Variants in SCYL2 observed in about 807,000 individuals in gnomAD.
SCYL2 encodes the protein SCY1 like pseudokinase 2, also known as SCY1-like protein 2.
Under a neutral mutation model 100.4 loss-of-function variants are expected in SCYL2, and 36 were observed. That is an observed-to-expected ratio of 0.36 (90% CI 0.27 to 0.47). The LOEUF (loss-of-function observed/expected upper bound fraction) is 0.47. Among genes scored for constraint, SCYL2 ranks in the 20% least tolerant of loss-of-function variants. SCYL2 has a pLI of 1.00. For synonymous variants in SCYL2, 330 were observed against 359.2 expected (o/e 0.92, Z 0.92); for missense variants, 902 against 1,083.9 (o/e 0.83, Z 2.36).
At chr12:100,286,080 A>G (rs539017972) in intron 2 of SCYL2, among the ~76,000 whole-genome samples, 4 of 152,302 alleles carry the variant, frequency 2.6e-5, no homozygotes, top group African/African-American at 9.6e-5. Context: ...ATTTGTTTAA[A>G]TAATTTCTAA....
chr12:100,294,006 C>A (rs1161522484), intron 3 of SCYL2, among the ~76,000 whole-genome samples: 7 of 151,590 alleles, frequency 4.6e-5, no homozygotes, highest in African/African-American at 1.7e-4. Context: ...CACAAAGCCG[C>A]GATTGTCATC....
At position 100,340,061 on chromosome 12, in the gene SCYL2, A is replaced by T. The variant is rs1179466122; in HGVS notation, c.*889A>T. ...CATTTTCAAAAGAAGATTTGTAAGAATTAAACTATATTTATGAGTAAACTT... is the reference window on the plus strand; with the variant it reads ...CATTTTCAAAAGAAGATTTGTAAGATTTAAACTATATTTATGAGTAAACTT... On this transcript the variant is annotated 3_prime_UTR_variant, in exon 18 of 18. Coordinates refer to ENST00000360820, the MANE Select transcript of SCYL2 (RefSeq NM_017988.6). 2 of 152,632 alleles carry T rather than the reference A, an allele frequency of 1.3e-5. No homozygotes were observed. Among genetic ancestry groups the T allele is most frequent in the Non-Finnish European group, 2.9e-5 (2 of 68,008 alleles). The allele number at this position is 152,632 out of a possible 1,614,324, so 9.5% of individuals were successfully genotyped here.
intron 1 of SCYL2, among the ~76,000 whole-genome samples, chr12:100,281,847 AAAAG>A (rs1386522128): frequency 2.4e-4 from 37 of 152,068 alleles, no homozygotes; most frequent in African/African-American, 8.9e-4. Context: ...AAAAAAAAAA[AAAAG>A]AAAGTACAAA....
intron 4 of SCYL2, among the ~76,000 whole-genome samples, chr12:100,300,051 T>TTCTAA (rs2096325723): frequency 6.6e-6 from 1 of 152,228 alleles, no homozygotes; most frequent in Admixed American, 6.5e-5. Context: ...GTATCAGTCA[T>TTCTAA]TCTAACAGGT....
Position 100,335,997 on chromosome 12 carries a change from C to G in SCYL2, c.2025+91C>G, listed in dbSNP as rs1952272461. On this transcript the variant is annotated intron_variant, in intron 16 of 17. Transcript: ENST00000360820. ...ATTTTTGTTGGGAAATACTGTTCAG[C>G]AGCTTAACAAGAAACATTTGTAATT... 3.4e-6 allele frequency: 3 copies of G among 876,158 alleles called. No homozygotes were observed. The African/African-American group carries it at 5.1e-5, about 15-fold the overall frequency. 54.3% of individuals were successfully genotyped at this position (876,158 alleles called of 1,614,324 possible).
chr12:100,280,153 AT>A (rs1207565824), intron 1 of SCYL2, among the ~76,000 whole-genome samples: 55 of 152,280 alleles, frequency 3.6e-4, no homozygotes, highest in African/African-American at 1.3e-3. Flanking sequence ...TGTTTAATAC[AT>A]TTTGTTCAGT....
chr12:100,298,497 A>G (rs1479874126), intron 4 of SCYL2, among the ~76,000 whole-genome samples: 1 of 152,246 alleles, frequency 6.6e-6, no homozygotes, highest in Non-Finnish European at 1.5e-5. Context: ...TGATAAAAAT[A>G]AAAATTTTAT....
At chr12:100,268,672 A>G (rs968668678) in intron 1 of SCYL2, among the ~76,000 whole-genome samples, 1 of 152,192 alleles carries the variant, frequency 6.6e-6, no homozygotes, top group Admixed American at 6.5e-5. Flanking sequence ...TTGTACTTCT[A>G]TACTGTGGAA....
chr12:100,308,533 T>C (rs1438422702), intron 4 of SCYL2, among the ~76,000 whole-genome samples: 1 of 152,156 alleles, frequency 6.6e-6, no homozygotes, highest in Non-Finnish European at 1.5e-5. Context: ...AAATACCTAA[T>C]GTAGGTGACT....
chr12:100,305,221 G>A (rs1371969675), intron 4 of SCYL2, among the ~76,000 whole-genome samples: 1 of 152,128 alleles, frequency 6.6e-6, no homozygotes, highest in Non-Finnish European at 1.5e-5. Context: ...GCACCACATT[G>A]CAGTTATTCT....
At chr12:100,298,533 C>T (rs1258721842) in intron 4 of SCYL2, among the ~76,000 whole-genome samples, 2 of 152,096 alleles carry the variant, frequency 1.3e-5, no homozygotes, top group African/African-American at 2.4e-5. Context: ...TTAGTGATAT[C>T]AAGAGGTATT....
chr12:100,304,148 G>A (rs942612315), intron 4 of SCYL2, among the ~76,000 whole-genome samples: 1 of 152,188 alleles, frequency 6.6e-6, no homozygotes, highest in Non-Finnish European at 1.5e-5. Flanking sequence ...AGACTGCTGT[G>A]CTGGCAGCAA....
intron 1 of SCYL2, among the ~76,000 whole-genome samples, chr12:100,276,952 C>A (rs1210680354): frequency 6.6e-6 from 1 of 151,994 alleles, no homozygotes; most frequent in Non-Finnish European, 1.5e-5. Flanking sequence ...CATTTTCATT[C>A]TCTTCAAAAT....
chr12:100,297,986 T>A, intron 3 of SCYL2, 45 bp from the exon 4 acceptor site: 1 of 1,396,764 alleles, frequency 7.2e-7, no homozygotes, highest in East Asian at 2.4e-5. Flanking sequence ...ATTTTGATAA[T>A]GTGTAATAAT....
chr12:100,336,279 T>A (rs1164182918), intron 16 of SCYL2, among the ~76,000 whole-genome samples: 1 of 152,156 alleles, frequency 6.6e-6, no homozygotes, highest in Non-Finnish European at 1.5e-5. Context: ...AGGCTGTCTC[T>A]GATTGTTGCT....
chr12:100,339,483 A>G lies in SCYL2; in HGVS notation c.*311A>G, dbSNP rs1182560685. On this transcript the variant is annotated 3_prime_UTR_variant, in exon 18 of 18. Transcript: ENST00000360820. ...AACATAACTTTTTAATCAAATGTTT[A>G]TTTTGGCTTGTGGATCTTGGTGTTA... The G allele has an allele frequency of 1.0e-5, 3 of 299,236 alleles. No individual in the cohort carries two copies. Among genetic ancestry groups the G allele is most frequent in the Non-Finnish European group, 1.2e-5 (2 of 160,744 alleles). The allele number at this position is 299,236 out of a possible 1,614,324, so 18.5% of individuals were successfully genotyped here. A position where few individuals can be genotyped will look rare whatever the true frequency, so the allele number is the denominator to read the frequency against.
intron 2 of SCYL2, among the ~76,000 whole-genome samples, chr12:100,290,664 A>T (rs1463695053): frequency 6.6e-6 from 1 of 152,234 alleles, no homozygotes; most frequent in African/African-American, 2.4e-5. Context: ...GCTTTCAAAG[A>T]CATAGAAATT....
At chr12:100,327,489 T>G (rs1233593176) in intron 12 of SCYL2, among the ~76,000 whole-genome samples, 1 of 152,074 alleles carries the variant, frequency 6.6e-6, no homozygotes, top group Non-Finnish European at 1.5e-5. Context: ...AACAGGTTCA[T>G]TTTTTATTTA....
intron 10 of SCYL2, 94 bp from the exon 11 acceptor site, chr12:100,323,431 A>C: frequency 1.4e-6 from 1 of 724,440 alleles, no homozygotes; most frequent in Non-Finnish European, 2.4e-6. Context: ...TTCAAACTAT[A>C]TGACAGTTTA....
Sources: allele counts gnomAD v4.1 joint callset (sites outside exome capture counted in the v4.1 genomes callset), GRCh38; gene constraint gnomAD v4.1.1; transcripts MANE v1.5; gene names NCBI Gene and HGNC (gene_info 2026-07-23, HGNC 2026-07-21).